STS: variants seen among roughly 807,000 people sequenced by gnomAD.
The protein encoded by STS is steroid sulfatase.
STS carries 7 observed loss-of-function variants against 26.8 expected under a neutral mutation model. That is an observed-to-expected ratio of 0.26 (90% CI 0.15 to 0.49). The LOEUF is 0.49. Ranked by LOEUF, STS falls within the 20% of genes least tolerant of loss-of-function variation. The probability of loss-of-function intolerance (pLI) is 0.98; values close to 1 mark genes in which losing one functional copy is unlikely to be tolerated. For synonymous variants in STS, 199 were observed against 189.4 expected (o/e 1.05, Z -0.42); for missense variants, 434 against 465.6 (o/e 0.93, Z 0.63).
intron 2 of STS, among the ~76,000 whole-genome samples, chrX:7,203,886 G>A (rs1021894725): frequency 9.0e-6 from 1 of 111,337 alleles, no homozygotes; most frequent in African/African-American, 3.3e-5. Context: ...CTGGGCTCAA[G>A]CAATTCTCCT....
At chrX:7,269,798 C>T (rs1265407408) in intron 6 of STS, among the ~76,000 whole-genome samples, 1 of 111,451 alleles carries the variant, frequency 9.0e-6, no homozygotes, top group Admixed American at 9.6e-5. Context: ...CTGATTTATG[C>T]CATACTCTAA....
intron 2 of STS, among the ~76,000 whole-genome samples, chrX:7,203,711 C>G (rs1169180389): frequency 1.8e-5 from 2 of 111,282 alleles, no homozygotes; most frequent in African/African-American, 6.5e-5. Context: ...TATCATCATT[C>G]TTTCCAGTTA....
intron 2 of STS, among the ~76,000 whole-genome samples, chrX:7,247,185 T>C (rs763188913): frequency 8.9e-6 from 1 of 112,238 alleles, no homozygotes; most frequent in Non-Finnish European, 1.9e-5. Context: ...TGAAGAGACT[T>C]AAAATAAAAC....
chrX:7,181,014 C>T (rs143312469), intron 1 of STS, among the ~76,000 whole-genome samples: 170 of 111,915 alleles, frequency 1.5e-3, no homozygotes, highest in African/African-American at 5.1e-3. Context: ...ATGTTTAATG[C>T]CCATTAAAGG....
chrX:7,300,434 A>G (rs1242232384), intron 7 of STS, among the ~76,000 whole-genome samples: 1 of 112,226 alleles, frequency 8.9e-6, no homozygotes, highest in Admixed American at 9.5e-5. Context: ...GAAAGCAAAA[A>G]TAATACAGCA....
At chrX:7,149,299 A>G (rs1435412037) in intron 1 of STS, among the ~76,000 whole-genome samples, 3 of 111,925 alleles carry the variant, frequency 2.7e-5, no homozygotes, top group African/African-American at 6.5e-5. Flanking sequence ...TAGTGCAGAC[A>G]TAGTGGACAG....
chrX:7,269,728 C>T (rs1324785458), intron 6 of STS, among the ~76,000 whole-genome samples: 2 of 111,354 alleles, frequency 1.8e-5, no homozygotes, highest in African/African-American at 3.3e-5. Flanking sequence ...ACCTGCTGCA[C>T]GCAGAGGTGG....
chrX:7,277,860 G>A (rs1350588845), intron 7 of STS, among the ~76,000 whole-genome samples: 2 of 112,079 alleles, frequency 1.8e-5, no homozygotes, highest in East Asian at 2.8e-4. Flanking sequence ...TCGCATCTTA[G>A]TGTAAATCAG....
intron 1 of STS, among the ~76,000 whole-genome samples, 92 bp from the exon 2 acceptor site, chrX:7,190,783 AATAAT>A (rs1933858204): frequency 9.1e-6 from 1 of 110,186 alleles, no homozygotes; most frequent in African/African-American, 3.3e-5. Context: ...AAAAAATACT[AATAAT>A]AAATAAATAA....
intron 6 of STS, among the ~76,000 whole-genome samples, chrX:7,269,261 G>C (rs956747464): frequency 1.1e-5 from 1 of 92,070 alleles, no homozygotes; most frequent in Non-Finnish European, 2.1e-5. Flanking sequence ...TGCCATACTA[G>C]ATCTAGTGGG....
At chrX:7,252,302 A>T (rs370215311) in intron 2 of STS, 1 of 750,676 alleles carries the variant, frequency 1.3e-6, no homozygotes, top group Non-Finnish European at 1.6e-6. Context: ...GGTGTTGCCT[A>T]CCACTGCTGG....
intron 1 of STS, among the ~76,000 whole-genome samples, chrX:7,184,290 T>C (rs749493569): frequency 1.8e-5 from 2 of 112,673 alleles, no homozygotes; most frequent in Non-Finnish European, 3.7e-5. Flanking sequence ...ATCAATGCCA[T>C]TTTATAGTTA....
At chrX:7,272,594 T>C (rs1924337451) in intron 6 of STS, among the ~76,000 whole-genome samples, 2 of 112,148 alleles carry the variant, frequency 1.8e-5, no homozygotes, top group South Asian at 7.4e-4. Context: ...CCATTCACAA[T>C]GCAATTCACA....
At chrX:7,344,952 G>T (rs1928458691) in intron 10 of STS, among the ~76,000 whole-genome samples, 1 of 111,252 alleles carries the variant, frequency 9.0e-6, no homozygotes, top group Non-Finnish European at 1.9e-5. Flanking sequence ...GTGTCCTGGG[G>T]TCTGGACTGT....
intron 10 of STS, among the ~76,000 whole-genome samples, chrX:7,345,650 A>G (rs1379196204): frequency 1.8e-5 from 2 of 111,199 alleles, no homozygotes; most frequent in Non-Finnish European, 3.8e-5. Context: ...GGCCTGGGCA[A>G]AACTCCTGAT....
chrX:7,266,913 T>C (rs1474972500), intron 6 of STS, among the ~76,000 whole-genome samples: 1 of 111,874 alleles, frequency 8.9e-6, no homozygotes, highest in Non-Finnish European at 1.9e-5. Context: ...ACACATTGTT[T>C]TGTGCACCTC....
chrX:7,152,275 A>C (rs779278180), intron 1 of STS, among the ~76,000 whole-genome samples: 1 of 111,759 alleles, frequency 8.9e-6, no homozygotes, highest in East Asian at 2.8e-4. Context: ...TAATGTAAAG[A>C]AGTAGCAAAT....
intron 7 of STS, among the ~76,000 whole-genome samples, chrX:7,293,797 T>C (rs1305925781): frequency 9.0e-6 from 1 of 111,494 alleles, no homozygotes; most frequent in African/African-American, 3.3e-5. Flanking sequence ...TAGTAAACTT[T>C]GCAGAAAGAG....
chrX:7,316,012 C>T (rs148119832), intron 8 of STS, among the ~76,000 whole-genome samples: 4,305 of 111,636 alleles, frequency 0.039, 185 homozygotes, highest in African/African-American at 0.13. Context: ...CAAGAGGGAG[C>T]AGCAGAACTT....
Sources: gnomAD v4.1 joint callset for allele counts (sites outside exome capture counted in the v4.1 genomes callset) on GRCh38, gnomAD v4.1.1 for gene constraint, MANE v1.5 for transcripts, NCBI Gene and HGNC (gene_info 2026-07-23, HGNC 2026-07-21) for gene names.